The following STYK1 variants were observed in gnomAD, a reference collection of about 807,000 sequenced individuals.
The protein encoded by STYK1 is tyrosine-protein kinase STYK1.
In STYK1, 46 loss-of-function variants were observed where a neutral mutation model predicts 48.1. The ratio of observed to expected loss-of-function variants is 0.96; its 90% confidence interval spans 0.75 to 1.22. The LOEUF (loss-of-function observed/expected upper bound fraction) is 1.22, where lower values mean the gene tolerates loss of function less well. STYK1 is among the 50% of genes most tolerant of loss of function. STYK1 has a pLI of 0.00. For missense variants in STYK1, 527 were observed against 521.1 expected (o/e 1.01, Z -0.11); for synonymous variants, 188 against 189.0 (o/e 0.99, Z 0.04).
intron 5 of STYK1, among the ~76,000 whole-genome samples, chr12:10,630,058 AGAGAG>A: frequency 3.4e-5 from 1 of 29,850 alleles, no homozygotes; most frequent in African/African-American, 8.4e-5. Context: ...AGAGAGAGAG[AGAGAG>A]AGAGAGAGAG....
intron 1 of STYK1, among the ~76,000 whole-genome samples, chr12:10,651,420 A>T (rs868482162): frequency 3.7e-4 from 56 of 152,294 alleles, no homozygotes; most frequent in Admixed American, 1.3e-4. Flanking sequence ...CAAATTACTT[A>T]ATCTCTCCTA....
At chr12:10,633,574 C>T (rs181359162) in intron 4 of STYK1, among the ~76,000 whole-genome samples, 5 of 152,156 alleles carry the variant, frequency 3.3e-5, no homozygotes, top group Admixed American at 3.3e-4. Flanking sequence ...TATAAAGGCC[C>T]CTCCTTTCCA....
intron 1 of STYK1, among the ~76,000 whole-genome samples, chr12:10,657,288 A>G (rs1190097598): frequency 2.6e-5 from 4 of 152,226 alleles, no homozygotes; most frequent in Non-Finnish European, 1.5e-5. Flanking sequence ...AATTCAATTA[A>G]GAAACTTAAA....
chr12:10,643,475 ACTT>A (rs879596583), intron 1 of STYK1, among the ~76,000 whole-genome samples: 5 of 152,196 alleles, frequency 3.3e-5, no homozygotes, highest in African/African-American at 9.6e-5. Flanking sequence ...AGACAGCTCT[ACTT>A]CTTCCACTTC....
In STYK1 at chr12:10,620,290, C is replaced by G; in HGVS notation, c.1123G>C (p.Glu375Gln). The change falls in exon 11 of 11, where the codon GAG becomes CAG. Residue 375 changes from glutamate (E) to glutamine (Q), a missense_variant. Physicochemically the swap from Glu to Gln is conservative, Grantham distance 29 (BLOSUM62 2). Coordinates refer to ENST00000075503, the MANE Select transcript of STYK1 (RefSeq NM_018423.3). ...WREADRPSPR[E>Q]LRLRLEAAIK... ...GCAGCTTCTAGGCGCAAGCGCAGCT[C>G]TCTAGGTGAGGGGCGGTCAGCCTCA... The G allele has an allele frequency of 6.2e-7, 1 of 1,613,994 alleles. No homozygotes were observed. Among genetic ancestry groups the G allele is most frequent in the East Asian group, 2.2e-5 (1 of 44,878 alleles).
chr12:10,669,529 C>T (rs1176421204), intron 1 of STYK1, among the ~76,000 whole-genome samples: 2 of 152,110 alleles, frequency 1.3e-5, no homozygotes, highest in Non-Finnish European at 2.9e-5. Flanking sequence ...TGTGAAAGTA[C>T]TAGAAGAGAA....
rs553253702 is a variant in STYK1, at chr12:10,634,684, T to A, written c.-66A>T. The A allele has an allele frequency of 6.4e-7, 1 of 1,556,506 alleles. No homozygotes were observed. The highest frequency in any genetic ancestry group is 1.2e-5 in the South Asian group (1 of 85,828). On this transcript the variant is annotated splice_region_variant and 5_prime_UTR_variant, in exon 3 of 11. Transcript: ENST00000075503. ...ATGCACACAGCACAGCTGTGAGTAA[T>A]TCCTAAGGATTGAGTGGTTTTTGAA... is the stretch of plus-strand genomic sequence containing the variant.
At chr12:10,661,052 C>G (rs1036526541) in intron 1 of STYK1, among the ~76,000 whole-genome samples, 1 of 152,114 alleles carries the variant, frequency 6.6e-6, no homozygotes, top group African/African-American at 2.4e-5. Flanking sequence ...GAACCTTCTG[C>G]TGGGGGTCTG....
chr12:10,657,976 G>C (rs1185307673), intron 1 of STYK1, among the ~76,000 whole-genome samples: 7 of 152,178 alleles, frequency 4.6e-5, no homozygotes, highest in Admixed American at 4.6e-4. Context: ...GAAGGCTAAG[G>C]GGTTCTAAGT....
At chr12:10,650,619 T>C (rs1947652342) in intron 1 of STYK1, among the ~76,000 whole-genome samples, 2 of 152,178 alleles carry the variant, frequency 1.3e-5, no homozygotes, top group East Asian at 3.9e-4. Flanking sequence ...AATTTCTTTC[T>C]TCTTAGCACA....
intron 1 of STYK1, among the ~76,000 whole-genome samples, chr12:10,645,948 C>T (rs968425524): frequency 2.0e-5 from 3 of 152,320 alleles, no homozygotes; most frequent in East Asian, 1.9e-4. Flanking sequence ...CCACCATCCA[C>T]GTAAGATGTG....
At position 10,619,026 on chromosome 12, in the gene STYK1, G is replaced by C. The variant is rs191088464; in HGVS notation, c.*1118C>G. 1.1e-3 allele frequency: 170 copies of C among 152,272 alleles called. No individual in the cohort carries two copies. The highest frequency in any genetic ancestry group is 3.9e-3 in the African/African-American group (162 of 41,554). 9.4% of individuals were successfully genotyped at this position (152,272 alleles called of 1,614,324 possible). On this transcript the variant is annotated 3_prime_UTR_variant, in exon 11 of 11. Coordinates refer to ENST00000075503, the MANE Select transcript of STYK1 (RefSeq NM_018423.3). ...ACGTATCAATCCTCAGAACAACCTT[G>C]TGAAATAGGTATTATCCCCATTTAC...
chr12:10,634,581 C>T lies in STYK1; in HGVS notation c.38G>A (p.Ser13Asn). Residue 13 changes from serine (S) to asparagine (N), a missense_variant, in exon 3 of 11, where the codon AGT (serine) becomes AAT (asparagine). Ser to Asn is a conservative substitution (Grantham distance 46). Transcript: ENST00000075503. ...TCCGTACTTACCACACAACTTGTCA[C>T]TGAGACTGCATTCCAGGAGCATCCG... Reference protein sequence around the residue: ...MTRMLLECSLSDKLCVIQEKQ... With the variant: ...MTRMLLECSLNDKLCVIQEKQ... The T allele has an allele frequency of 6.8e-6, 11 of 1,614,182 alleles. No individual in the cohort carries two copies. Among genetic ancestry groups the T allele is most frequent in the African/African-American group, 1.3e-5 (1 of 75,052 alleles).
At chr12:10,632,086 A>G (rs1947435428) in intron 4 of STYK1, among the ~76,000 whole-genome samples, 1 of 152,050 alleles carries the variant, frequency 6.6e-6, no homozygotes, top group South Asian at 2.1e-4. Flanking sequence ...GTGTGATGCC[A>G]TGAGCCTATA....
chr12:10,649,984 G>T (rs1947643153), intron 1 of STYK1, among the ~76,000 whole-genome samples: 2 of 151,700 alleles, frequency 1.3e-5, no homozygotes, highest in African/African-American at 4.8e-5. Context: ...CGTGGTGGCG[G>T]GCCCCTGTAG....
intron 5 of STYK1, 72 bp downstream of exon 5, chr12:10,630,973 C>T: frequency 2.6e-6 from 4 of 1,561,508 alleles, no homozygotes; most frequent in South Asian, 1.2e-5. Flanking sequence ...TGTTAGTTAA[C>T]ATCTCAATGT....
intron 1 of STYK1, among the ~76,000 whole-genome samples, chr12:10,648,277 T>G (rs1947622486): frequency 6.6e-6 from 1 of 152,136 alleles, no homozygotes; most frequent in Non-Finnish European, 1.5e-5. Context: ...CATAAAAAAC[T>G]TAACATTATA....
intron 6 of STYK1, 89 bp from the exon 7 acceptor site, chr12:10,627,813 T>G: frequency 1.8e-6 from 2 of 1,106,878 alleles, no homozygotes; most frequent in Admixed American, 4.7e-5. Flanking sequence ...TACTCTGAAA[T>G]GCAGTTATCA....
intron 4 of STYK1, among the ~76,000 whole-genome samples, chr12:10,632,918 C>CT (rs34964378): frequency 0.22 from 33,188 of 151,972 alleles, 3,936 homozygotes; most frequent in Middle Eastern, 0.32. Context: ...ATAGGCAAGA[C>CT]TATTTGCGGA....
Sources: gnomAD v4.1 joint callset for allele counts (sites outside exome capture counted in the v4.1 genomes callset) on GRCh38, gnomAD v4.1.1 for gene constraint, MANE v1.5 for transcripts, NCBI Gene and HGNC (gene_info 2026-07-23, HGNC 2026-07-21) for gene names.